FCHSD2: variants seen among roughly 807,000 people sequenced by gnomAD.
FCHSD2 encodes the protein F-BAR and double SH3 domains protein 2.
A neutral mutation model predicts 108.1 loss-of-function variants in FCHSD2; 38 were observed. That is an observed-to-expected ratio of 0.35 (90% confidence interval 0.27 to 0.46). The LOEUF (loss-of-function observed/expected upper bound fraction) is 0.46, where lower values mean the gene tolerates loss of function less well. Ranked by LOEUF, FCHSD2 falls within the 20% of genes least tolerant of loss-of-function variation. The pLI is 1.00. For synonymous variants in FCHSD2, 279 were observed against 314.7 expected (o/e 0.89, Z 1.20); for missense variants, 751 against 897.8 (o/e 0.84, Z 2.09).
At chr11:72,871,747 T>C (rs1854863122) in intron 12 of FCHSD2, among the ~76,000 whole-genome samples, 2 of 111,966 alleles carry the variant, frequency 1.8e-5, no homozygotes, top group African/African-American at 6.8e-5. Flanking sequence ...ATACCTTTGG[T>C]ACATAATTTT....
intron 1 of FCHSD2, among the ~76,000 whole-genome samples, chr11:73,140,907 A>T (rs936917890): frequency 1.3e-5 from 2 of 152,220 alleles, no homozygotes; most frequent in Non-Finnish European, 2.9e-5. Flanking sequence ...GTGGGGGTAC[A>T]TGTTCGAAAG....
chr11:73,021,005 T>C (rs1858089460), intron 3 of FCHSD2, among the ~76,000 whole-genome samples: 2 of 151,830 alleles, frequency 1.3e-5, no homozygotes, highest in South Asian at 4.2e-4. Flanking sequence ...GCCTCCAGAG[T>C]AGCTGGGACT....
intron 3 of FCHSD2, among the ~76,000 whole-genome samples, chr11:73,028,266 G>A (rs1858275911): frequency 6.6e-6 from 1 of 152,222 alleles, no homozygotes; most frequent in African/African-American, 2.4e-5. Flanking sequence ...GATGCTTAAG[G>A]CCTTGGGAGC....
chr11:73,128,128 G>A lies in FCHSD2; in HGVS notation c.119+11903C>T, dbSNP rs117005908. Among the ~76,000 whole-genome samples, 886 of 151,898 alleles carry A rather than the reference G, an allele frequency of 5.8e-3. 1 individual carries two copies. Among genetic ancestry groups the A allele is most frequent in the Admixed American group, 0.011 (166 of 15,252 alleles). ...TAAGATTGGGAGGAGAATCCTAAGA[G>A]GCCAAAATACAAAAACCTACTCCTA... On this transcript the variant is annotated intron_variant, in intron 2 of 19. Transcript: ENST00000409418.
chr11:73,066,401 G>A (rs1238578911), intron 3 of FCHSD2, among the ~76,000 whole-genome samples: 5 of 152,106 alleles, frequency 3.3e-5, no homozygotes, highest in African/African-American at 1.2e-4. Flanking sequence ...AATCCTAGAA[G>A]AAAACCTAGG....
chr11:72,891,341 G>C (rs912902467), intron 10 of FCHSD2, among the ~76,000 whole-genome samples: 30 of 152,298 alleles, frequency 2.0e-4, no homozygotes, highest in African/African-American at 7.0e-4. Flanking sequence ...TGATGAGGCA[G>C]GGTTTAAAAA....
chr11:72,897,247 T>C (rs1855440820), intron 10 of FCHSD2, among the ~76,000 whole-genome samples: 1 of 151,720 alleles, frequency 6.6e-6, no homozygotes, highest in Admixed American at 6.6e-5. Flanking sequence ...GGTATAGTTG[T>C]CCTTCCATAT....
intron 3 of FCHSD2, among the ~76,000 whole-genome samples, chr11:73,034,561 T>C (rs1858442682): frequency 6.6e-6 from 1 of 152,190 alleles, no homozygotes; most frequent in Non-Finnish European, 1.5e-5. Flanking sequence ...ACATCTCAAG[T>C]TAGGAACCAC....
At chr11:72,852,892 G>A (rs1861327950) in intron 13 of FCHSD2, among the ~76,000 whole-genome samples, 1 of 152,116 alleles carries the variant, frequency 6.6e-6, no homozygotes, top group Admixed American at 6.6e-5. Context: ...TACAGGAAGA[G>A]AAAACCAAAT....
chr11:72,841,158 AC>A (rs1249349713), intron 18 of FCHSD2, among the ~76,000 whole-genome samples, 199 bp from the exon 19 acceptor site: 1 of 151,556 alleles, frequency 6.6e-6, no homozygotes, highest in Non-Finnish European at 1.5e-5. Flanking sequence ...ACAGAATAAT[AC>A]CCTTTGTCCA....
intron 9 of FCHSD2, among the ~76,000 whole-genome samples, chr11:72,917,829 A>G (rs1855904164): frequency 6.6e-6 from 1 of 152,126 alleles, no homozygotes; most frequent in African/African-American, 2.4e-5. Context: ...TGGAGGTTGC[A>G]GTGAGCTGAG....
intron 18 of FCHSD2, 74 bp downstream of exon 18, chr11:72,841,380 T>C (rs1860933334): frequency 6.9e-7 from 1 of 1,446,836 alleles, no homozygotes; most frequent in Non-Finnish European, 9.3e-7. Context: ...TGCAGTTTTT[T>C]TTTGCCCTTC....
intron 8 of FCHSD2, among the ~76,000 whole-genome samples, chr11:72,951,192 T>C (rs773971304): frequency 1.3e-5 from 2 of 152,206 alleles, no homozygotes; most frequent in African/African-American, 2.4e-5. Context: ...GCATTTTGGG[T>C]CTTCCTATTC....
chr11:73,100,029 T>C (rs1860181551), intron 2 of FCHSD2, among the ~76,000 whole-genome samples: 1 of 152,204 alleles, frequency 6.6e-6, no homozygotes. Flanking sequence ...CTGCCTTCCC[T>C]GACGCACCCC....
rs975995634 is a variant in FCHSD2 at position 72,873,285 on chromosome 11, C to T, written c.1147-5259G>A. Reference sequence around the variant, plus strand: ...TGGAGGCTGCAGTGAACCGAGATCGCGCCACTGCACTCCAGCCCAGGCAAT... The same window carrying T: ...TGGAGGCTGCAGTGAACCGAGATCGTGCCACTGCACTCCAGCCCAGGCAAT... On this transcript the variant is annotated intron_variant, in intron 12 of 19. Transcript: ENST00000409418. Among the ~76,000 whole-genome samples the T allele has an allele frequency of 4.0e-5, 6 of 151,290 alleles. No individual in the cohort carries two copies. In the East Asian group the frequency reaches 5.8e-4, roughly 15 times the overall value.
intron 14 of FCHSD2, among the ~76,000 whole-genome samples, chr11:72,847,675 G>A (rs1861181198): frequency 6.7e-6 from 1 of 150,320 alleles, no homozygotes; most frequent in African/African-American, 2.4e-5. Context: ...CATTCTTAAG[G>A]CTTTTGACTC....
intron 2 of FCHSD2, among the ~76,000 whole-genome samples, chr11:73,097,615 C>CTT (rs200159157): frequency 8.4e-5 from 8 of 95,308 alleles, no homozygotes; most frequent in South Asian, 3.2e-4. Context: ...GTGAGGTGTT[C>CTT]TTTTTTTTTT....
intron 2 of FCHSD2, among the ~76,000 whole-genome samples, chr11:73,104,458 T>C (rs539273806): frequency 6.6e-6 from 1 of 152,218 alleles, no homozygotes; most frequent in Non-Finnish European, 1.5e-5. Context: ...TCAGTAGAGA[T>C]GGGGTTTCAC....
At chr11:72,923,776 C>A (rs184050819) in intron 8 of FCHSD2, among the ~76,000 whole-genome samples, 2 of 152,126 alleles carry the variant, frequency 1.3e-5, no homozygotes, top group Non-Finnish European at 2.9e-5. Context: ...CCCGTCTCTA[C>A]TAAAAATACA....
Sources: gnomAD v4.1 joint callset for allele counts (sites outside exome capture counted in the v4.1 genomes callset) on GRCh38, gnomAD v4.1.1 for gene constraint, MANE v1.5 for transcripts, NCBI Gene and HGNC (gene_info 2026-07-23, HGNC 2026-07-21) for gene names.